Variants in RFX3 observed in about 807,000 individuals in gnomAD.
The protein encoded by RFX3 is regulatory factor X3, also known as transcription factor RFX3.
In RFX3, 14 loss-of-function variants were observed where a neutral mutation model predicts 98.6. The observed-to-expected ratio is 0.14, with a 90% confidence interval of 0.09 to 0.22. The LOEUF is 0.22. RFX3 is among the 10% of genes least tolerant of loss of function. RFX3 has a pLI of 1.00. For missense variants in RFX3, 639 were observed against 926.9 expected (o/e 0.69, Z 4.03); for synonymous variants, 383 against 328.4 (o/e 1.17, Z -1.80).
chr9:3,377,247 T>C (rs1026295050), intron 2 of RFX3, among the ~76,000 whole-genome samples: 2 of 152,246 alleles, frequency 1.3e-5, no homozygotes, highest in African/African-American at 4.8e-5. Flanking sequence ...ATATACACCA[T>C]GGAATACCAT....
At chr9:3,238,370 G>C (rs1386762901) in intron 15 of RFX3, among the ~76,000 whole-genome samples, 2 of 152,110 alleles carry the variant, frequency 1.3e-5, no homozygotes, top group African/African-American at 4.8e-5. Flanking sequence ...ATTCAAGCCA[G>C]CAAATACCAT....
intron 1 of RFX3, among the ~76,000 whole-genome samples, chr9:3,402,525 A>G (rs375213926): frequency 8.5e-5 from 13 of 152,264 alleles, no homozygotes; most frequent in African/African-American, 3.1e-4. Flanking sequence ...TTACAAGAGC[A>G]TTAGAAACCT....
chr9:3,294,597 T>G (rs1196904027), intron 5 of RFX3, among the ~76,000 whole-genome samples: 1 of 152,164 alleles, frequency 6.6e-6, no homozygotes, highest in Non-Finnish European at 1.5e-5. Context: ...GAACCTGAAT[T>G]TTCAGACTTT....
intron 1 of RFX3, among the ~76,000 whole-genome samples, chr9:3,493,242 GC>G (rs2133537374): frequency 6.6e-6 from 1 of 152,116 alleles, no homozygotes; most frequent in South Asian, 2.1e-4. Flanking sequence ...TCAATTAAAA[GC>G]CCAAGTTCTG....
Position 3,313,790 on chromosome 9 carries a change from G to T in RFX3, c.475-12170C>A, listed in dbSNP as rs531035792. 1.4e-4 allele frequency among the ~76,000 whole-genome samples: 22 copies of T among 152,276 alleles called. No individual in the cohort carries two copies. In the East Asian group the frequency reaches 4.2e-3, roughly 29 times the overall value. ...GGGTATCAGTGACTGAAGATCAAAT[G>T]AATGAAGTGAAGCGAGAAGAGAAGT... On this transcript the variant is annotated intron_variant, in intron 4 of 16. Transcript: ENST00000617270.
intron 3 of RFX3, among the ~76,000 whole-genome samples, chr9:3,341,253 G>T (rs1286300150): frequency 6.6e-6 from 1 of 151,882 alleles, no homozygotes; most frequent in African/African-American, 2.4e-5. Flanking sequence ...GGGGACTGTT[G>T]TGGGGTTGGG....
chr9:3,524,593 C>G (rs1218150463), intron 1 of RFX3: 1 of 981,800 alleles, frequency 1.0e-6, no homozygotes, highest in Non-Finnish European at 1.2e-6. Context: ...ATAACTGTCA[C>G]AAATAACACT....
chr9:3,311,443 G>C (rs939451859), intron 4 of RFX3, among the ~76,000 whole-genome samples: 6 of 152,152 alleles, frequency 3.9e-5, no homozygotes, highest in Admixed American at 2.0e-4. Flanking sequence ...GAAGAGGAGG[G>C]TACATCCTAT....
At chr9:3,355,574 G>A (rs1368669354) in intron 2 of RFX3, among the ~76,000 whole-genome samples, 1 of 151,814 alleles carries the variant, frequency 6.6e-6, no homozygotes, top group Non-Finnish European at 1.5e-5. Flanking sequence ...ACGGAAAGAA[G>A]AAAATTTAAA....
rs543245272 is a variant in RFX3 at position 3,325,053 on chromosome 9, G to C, written c.474+5206C>G. 7.9e-5 allele frequency among the ~76,000 whole-genome samples: 12 copies of C among 152,276 alleles called. 2 individuals are homozygous for C. In the South Asian group the frequency reaches 2.5e-3, roughly 32 times the overall value. Reference sequence around the variant, plus strand: ...AGGATGAGAATTGGGAAACGGGTGAGAGAGACTCATGTACTTTCTTATATC... The same window carrying C: ...AGGATGAGAATTGGGAAACGGGTGACAGAGACTCATGTACTTTCTTATATC... On this transcript the variant is annotated intron_variant, in intron 4 of 16. Transcript: ENST00000617270.
At chr9:3,249,900 G>C (rs187078677) in intron 14 of RFX3, among the ~76,000 whole-genome samples, 1 of 151,784 alleles carries the variant, frequency 6.6e-6, no homozygotes, top group Non-Finnish European at 1.5e-5. Flanking sequence ...TGATATCTTA[G>C]AGTTGACTAC....
At chr9:3,492,567 A>C (rs1169873365) in intron 1 of RFX3, among the ~76,000 whole-genome samples, 2 of 152,206 alleles carry the variant, frequency 1.3e-5, no homozygotes, top group Non-Finnish European at 2.9e-5. Context: ...ATGGAGATTC[A>C]GGCATACTCA....
At chr9:3,483,291 G>A (rs1434912790) in intron 1 of RFX3, among the ~76,000 whole-genome samples, 1 of 152,098 alleles carries the variant, frequency 6.6e-6, no homozygotes, top group Non-Finnish European at 1.5e-5. Flanking sequence ...GCCCAGAGAT[G>A]CCAAATATGC....
intron 6 of RFX3, among the ~76,000 whole-genome samples, chr9:3,289,775 T>G (rs948205892): frequency 6.6e-6 from 1 of 152,090 alleles, no homozygotes; most frequent in African/African-American, 2.4e-5. Flanking sequence ...TGGGATCTAA[T>G]AAAAGGTACC....
chr9:3,445,787 T>C (rs1054526831), intron 1 of RFX3, among the ~76,000 whole-genome samples: 1 of 152,196 alleles, frequency 6.6e-6, no homozygotes, highest in African/African-American at 2.4e-5. Context: ...TCCTGTATTC[T>C]AGACATACTA....
intron 1 of RFX3, among the ~76,000 whole-genome samples, chr9:3,400,573 T>G (rs1001673998): frequency 3.3e-5 from 5 of 152,364 alleles, no homozygotes; most frequent in Admixed American, 6.5e-5. Flanking sequence ...CTCTCTTTTG[T>G]GTCTCCATTT....
intron 1 of RFX3, among the ~76,000 whole-genome samples, chr9:3,499,561 G>A (rs1410994765): frequency 6.6e-6 from 1 of 152,010 alleles, no homozygotes; most frequent in African/African-American, 2.4e-5. Flanking sequence ...GAGAAGAAAA[G>A]CACAGCAGAG....
At chr9:3,448,788 G>C (rs1846287638) in intron 1 of RFX3, among the ~76,000 whole-genome samples, 1 of 152,084 alleles carries the variant, frequency 6.6e-6, no homozygotes, top group African/African-American at 2.4e-5. Flanking sequence ...CCAAAGCACT[G>C]GGTTTGCAAG....
intron 1 of RFX3, among the ~76,000 whole-genome samples, chr9:3,504,263 A>G (rs1174450684): frequency 7.6e-6 from 1 of 131,560 alleles, no homozygotes; most frequent in East Asian, 2.5e-4. Flanking sequence ...TATATAATAT[A>G]TACTATATTG....
Sources: gnomAD v4.1 joint callset for allele counts (sites outside exome capture counted in the v4.1 genomes callset) on GRCh38, gnomAD v4.1.1 for gene constraint, MANE v1.5 for transcripts, NCBI Gene and HGNC (gene_info 2026-07-23, HGNC 2026-07-21) for gene names.